Variants in MS4A4E observed in about 807,000 individuals in gnomAD.
MS4A4E encodes putative membrane-spanning 4-domains subfamily A member 4E.
In MS4A4E, 23 loss-of-function variants were observed where a neutral mutation model predicts 13.3. That is an observed-to-expected ratio of 1.73 (90% CI 1.25 to 2.45). The LOEUF (loss-of-function observed/expected upper bound fraction) is 2.45. MS4A4E is among the 30% of genes most tolerant of loss of function. The pLI is 0.00. For missense variants in MS4A4E, 144 were observed against 131.2 expected (o/e 1.10, Z -0.48); for synonymous variants, 36 against 45.6 (o/e 0.79, Z 0.85).
chr11:60,228,679 G>T, intron 2 of MS4A4E, 52 bp from the exon 3 acceptor site: 1 of 689,742 alleles, frequency 1.4e-6, no homozygotes. Flanking sequence ...AAGTTTGGAA[G>T]CCATCAAGAT....
chr11:60,219,685 A>C (rs534110361), intron 3 of MS4A4E, among the ~76,000 whole-genome samples: 3 of 152,194 alleles, frequency 2.0e-5, no homozygotes, highest in African/African-American at 7.2e-5. Context: ...TATGTTGTTA[A>C]TCTTTCTCCC....
At chr11:60,218,452 A>G (rs2134940211) in intron 3 of MS4A4E, among the ~76,000 whole-genome samples, 1 of 152,244 alleles carries the variant, frequency 6.6e-6, no homozygotes. Flanking sequence ...TGGTTTTTGC[A>G]GCTTGTGGGG....
rs1446879782 is a variant in MS4A4E, at chr11:60,200,335, C to A, written c.*1208G>T. ...ATTGACCATTCTTGGGTGTTTCTCA[C>A]AGAGGGGGATTTGGCAGGGTCATAG... On this transcript the variant is annotated 3_prime_UTR_variant, in exon 9 of 9. Coordinates refer to ENST00000651255, the MANE Select transcript of MS4A4E (RefSeq NM_001393391.1). 1.3e-5 allele frequency among the ~76,000 whole-genome samples: 2 copies of A among 151,412 alleles called. No individual in the cohort carries two copies. The highest frequency in any genetic ancestry group is 4.9e-5 in the African/African-American group (2 of 41,166).
At chr11:60,210,236 A>G (rs1353372398) in intron 5 of MS4A4E, among the ~76,000 whole-genome samples, 4 of 152,262 alleles carry the variant, frequency 2.6e-5, no homozygotes, top group Non-Finnish European at 5.9e-5. Context: ...CCAAAAACAT[A>G]GCATGTATAT....
intron 1 of MS4A4E, among the ~76,000 whole-genome samples, chr11:60,232,321 A>ACAC (rs556719466): frequency 6.8e-6 from 1 of 147,324 alleles, no homozygotes; most frequent in Non-Finnish European, 1.5e-5. Context: ...ACACACACAC[A>ACAC]CCAAAAATGA....
intron 5 of MS4A4E, among the ~76,000 whole-genome samples, chr11:60,212,348 C>T (rs758293546): frequency 3.5e-5 from 5 of 142,558 alleles, no homozygotes; most frequent in South Asian, 4.4e-4. Flanking sequence ...CTCACTCTTT[C>T]GCCCAGGCCA....
intron 5 of MS4A4E, among the ~76,000 whole-genome samples, 132 bp downstream of exon 5, chr11:60,212,842 C>G (rs11230194): frequency 0.32 from 49,222 of 152,022 alleles, 9,057 homozygotes; most frequent in South Asian, 0.51. Context: ...AAAGATTATT[C>G]TATTTCTCAA....
intron 5 of MS4A4E, among the ~76,000 whole-genome samples, chr11:60,212,310 CTT>C (rs35160855): frequency 2.0e-4 from 27 of 137,766 alleles, no homozygotes; most frequent in Non-Finnish European, 1.7e-4. Context: ...GCACTGACAT[CTT>C]TTTTTTTTTT....
intron 1 of MS4A4E, among the ~76,000 whole-genome samples, chr11:60,240,459 C>G (rs1038636694): frequency 6.6e-6 from 1 of 152,108 alleles, no homozygotes; most frequent in East Asian, 1.9e-4. Context: ...GACTTTGTAG[C>G]CAAATGATCA....
rs200427232 is a variant in MS4A4E, at chr11:60,203,353, G to A, written c.660-1474C>T. Among the ~76,000 whole-genome samples, 10 of 152,232 alleles carry A rather than the reference G, an allele frequency of 6.6e-5. No homozygotes were observed. In the East Asian group the frequency reaches 1.3e-3, roughly 21 times the overall value. ...TGTAGTCTTTGTAAGAGCCTATAAGGTAGGTACTATTGTAATTTTTATAGA... is the reference window on the plus strand; with the variant it reads ...TGTAGTCTTTGTAAGAGCCTATAAGATAGGTACTATTGTAATTTTTATAGA... On this transcript the variant is annotated intron_variant, in intron 8 of 8. Transcript: ENST00000651255.
In MS4A4E at chr11:60,200,458, C is replaced by T. The variant is rs1465758271; in HGVS notation, c.*1085G>A. On this transcript the variant is annotated 3_prime_UTR_variant, in exon 9 of 9. Coordinates refer to ENST00000651255, the MANE Select transcript of MS4A4E (RefSeq NM_001393391.1). Reference sequence around the variant, plus strand: ...TGCGGCCTTCCGAGGTGTTTGTGTCCCTGGGTACTTGAGATTAGGGAGTGG... The same window carrying T: ...TGCGGCCTTCCGAGGTGTTTGTGTCTCTGGGTACTTGAGATTAGGGAGTGG... Among the ~76,000 whole-genome samples the T allele has an allele frequency of 2.0e-5, 3 of 151,988 alleles. No individual in the cohort carries two copies. Among genetic ancestry groups the T allele is most frequent in the Non-Finnish European group, 4.4e-5 (3 of 68,010 alleles).
At chr11:60,203,421 G>A (rs937571113) in intron 8 of MS4A4E, among the ~76,000 whole-genome samples, 3 of 152,184 alleles carry the variant, frequency 2.0e-5, no homozygotes, top group Non-Finnish European at 4.4e-5. Context: ...CCCACAGCTA[G>A]TAAGTTGTGG....
At chr11:60,211,388 G>A (rs1294964323) in intron 5 of MS4A4E, among the ~76,000 whole-genome samples, 1 of 152,182 alleles carries the variant, frequency 6.6e-6, no homozygotes, top group African/African-American at 2.4e-5. Flanking sequence ...CGGTTATTTT[G>A]GTGTGACTAC....
intron 3 of MS4A4E, among the ~76,000 whole-genome samples, chr11:60,224,783 C>T (rs534000938): frequency 2.8e-4 from 42 of 152,138 alleles, no homozygotes; most frequent in African/African-American, 9.9e-4. Flanking sequence ...ATTTAATCGC[C>T]TAGCTTTAAG....
chr11:60,209,387 A>G (rs2084090858), intron 5 of MS4A4E, among the ~76,000 whole-genome samples: 1 of 152,240 alleles, frequency 6.6e-6, no homozygotes, highest in Non-Finnish European at 1.5e-5. Flanking sequence ...GGCAGCCTAC[A>G]GAAGCCAGAA....
chr11:60,215,430 T>G (rs1190684088), intron 3 of MS4A4E, among the ~76,000 whole-genome samples: 1 of 151,384 alleles, frequency 6.6e-6, no homozygotes, highest in Admixed American at 6.6e-5. Flanking sequence ...ATATATATAA[T>G]AAATAAATTT....
At chr11:60,241,165 C>G (rs928491573) in intron 1 of MS4A4E, among the ~76,000 whole-genome samples, 1 of 152,042 alleles carries the variant, frequency 6.6e-6, no homozygotes, top group African/African-American at 2.4e-5. Flanking sequence ...CTGGGGCTAC[C>G]GGCGCCTGCC....
Position 60,208,638 on chromosome 11 carries a change from G to T in MS4A4E, c.438C>A (p.Ala146=). The T allele has an allele frequency of 6.8e-7, 1 of 1,467,058 alleles. No homozygotes were observed. Among genetic ancestry groups the T allele is most frequent in the Non-Finnish European group, 9.5e-7 (1 of 1,054,574 alleles). 90.9% of individuals were successfully genotyped at this position (1,467,058 alleles called of 1,614,324 possible). ...LSVLEFCIAV[A]LSAFGCKVLC... ...GCACTTTACATCCAAAGGCAGAGAG[G>T]GCCACAGCAATGCAGAATTCCAGCA... The change falls in exon 6 of 9, where the codon GCC becomes GCA. Residue 146 remains alanine (A), a synonymous_variant. Transcript: ENST00000651255.
intron 3 of MS4A4E, among the ~76,000 whole-genome samples, chr11:60,223,911 T>G (rs1400951077): frequency 6.6e-6 from 1 of 152,170 alleles, no homozygotes; most frequent in Admixed American, 6.5e-5. Flanking sequence ...TATACACATC[T>G]ATCCTATTAG....
Sources: allele counts gnomAD v4.1 joint callset (sites outside exome capture counted in the v4.1 genomes callset), GRCh38; gene constraint gnomAD v4.1.1; transcripts MANE v1.5; gene names NCBI Gene and HGNC (gene_info 2026-07-23, HGNC 2026-07-21).